The following PSMD4 variants were observed in gnomAD, a reference collection of about 807,000 sequenced individuals.
PSMD4 encodes 26S proteasome non-ATPase regulatory subunit 4.
A neutral mutation model predicts 39.7 loss-of-function variants in PSMD4; 5 were observed. That is an observed-to-expected ratio of 0.13 (90% CI 0.07 to 0.26). The LOEUF (loss-of-function observed/expected upper bound fraction) is 0.26, where lower values mean the gene tolerates loss of function less well. PSMD4 is among the 10% of genes least tolerant of loss of function. The pLI is 1.00. For missense variants in PSMD4, 272 were observed against 486.1 expected (o/e 0.56, Z 4.14); for synonymous variants, 143 against 174.6 (o/e 0.82, Z 1.43).
intron 6 of PSMD4, 127 bp from the exon 7 acceptor site, chr1:151,265,877 G>T: frequency 7.6e-7 from 1 of 1,307,790 alleles, no homozygotes; most frequent in East Asian, 2.5e-5. Context: ...TATCCCTCCA[G>T]CTTCTTCTCT....
chr1:151,264,641 C>T (rs893163652), intron 3 of PSMD4, among the ~76,000 whole-genome samples, 191 bp from the exon 4 acceptor site: 1 of 151,582 alleles, frequency 6.6e-6, no homozygotes, highest in Non-Finnish European at 1.5e-5. Flanking sequence ...AGAGAATTAA[C>T]CTCCCTTCTT....
intron 1 of PSMD4, among the ~76,000 whole-genome samples, chr1:151,256,060 G>A (rs1693159658): frequency 1.2e-5 from 1 of 86,168 alleles, no homozygotes; most frequent in South Asian, 3.3e-4. Context: ...TTTGAAAAGT[G>A]TCTGGCTGGG....
At chr1:151,254,927 C>A in intron 1 of PSMD4, 119 bp downstream of exon 1, 1 of 1,287,736 alleles carries the variant, frequency 7.8e-7, no homozygotes, top group Non-Finnish European at 1.0e-6. Context: ...GCCCTGGCCC[C>A]GGAGGTAAGG....
chr1:151,260,994 C>T (rs1156643489), intron 1 of PSMD4, among the ~76,000 whole-genome samples: 3 of 151,278 alleles, frequency 2.0e-5, no homozygotes, highest in African/African-American at 4.9e-5. Flanking sequence ...TACAAGTGTG[C>T]GCCACCATAC....
chr1:151,264,855 C>G lies in PSMD4; in HGVS notation c.306C>G (p.Gly102=). 1 of 1,613,674 alleles carries G rather than the reference C, an allele frequency of 6.2e-7. No individual in the cohort carries two copies. The highest frequency in any genetic ancestry group is 8.5e-7 in the Non-Finnish European group (1 of 1,179,800). ...AGCTGGCTCTGAAGCACCGACAAGG[C>G]AAGAATCACAAGATGCGCATCATTG... ...VAHLALKHRQ[G]KNHKMRIIAF... Residue 102 remains glycine (G), a synonymous_variant, in exon 4 of 10, where the codon GGC becomes GGG. Coordinates refer to ENST00000368884, the MANE Select transcript of PSMD4 (RefSeq NM_002810.4).
intron 1 of PSMD4, among the ~76,000 whole-genome samples, chr1:151,256,037 A>G (rs2101833175): frequency 6.7e-6 from 1 of 149,166 alleles, no homozygotes; most frequent in Non-Finnish European, 1.5e-5. Context: ...TGTTGGCTGT[A>G]TGTATATCGT....
At chr1:151,259,866 C>G (rs1268077579) in intron 1 of PSMD4, among the ~76,000 whole-genome samples, 3 of 151,900 alleles carry the variant, frequency 2.0e-5, no homozygotes, top group Non-Finnish European at 2.9e-5. Context: ...CAGACGTGAG[C>G]CACCATGCCC....
At chr1:151,263,755 C>A in intron 2 of PSMD4, 159 bp from the exon 3 acceptor site, 1 of 440,384 alleles carries the variant, frequency 2.3e-6, no homozygotes, top group Non-Finnish European at 4.1e-6. Flanking sequence ...GGCGTGAACC[C>A]GGGAGGCGGA....
intron 1 of PSMD4, among the ~76,000 whole-genome samples, chr1:151,256,433 C>CTTTT (rs1296037370): frequency 7.2e-6 from 1 of 138,942 alleles, no homozygotes; most frequent in Non-Finnish European, 1.6e-5. Flanking sequence ...CCTTTGCCCA[C>CTTTT]TTTTTTTTTT....
At chr1:151,262,061 C>T (rs1268176551) in intron 1 of PSMD4, 100 bp from the exon 2 acceptor site, 1 of 1,292,174 alleles carries the variant, frequency 7.7e-7, no homozygotes, top group Non-Finnish European at 1.1e-6. Flanking sequence ...ACAGGTGATG[C>T]TATGAAGACT....
chr1:151,255,207 C>G (rs1052407509), intron 1 of PSMD4, among the ~76,000 whole-genome samples: 2 of 152,244 alleles, frequency 1.3e-5, no homozygotes, highest in African/African-American at 4.8e-5. Flanking sequence ...CCCATTCCCT[C>G]GTCTCTAACT....
At chr1:151,256,727 T>G (rs940497507) in intron 1 of PSMD4, among the ~76,000 whole-genome samples, 8 of 150,370 alleles carry the variant, frequency 5.3e-5, no homozygotes, top group Non-Finnish European at 1.2e-4. Context: ...GTTGAGCCAC[T>G]GTGCCCGGCT....
At chr1:151,266,158 C>A (rs1463025844) in intron 7 of PSMD4, 46 bp downstream of exon 7, 1 of 1,589,710 alleles carries the variant, frequency 6.3e-7, no homozygotes, top group Non-Finnish European at 8.6e-7. Flanking sequence ...GGATGCTAAA[C>A]ATTGAAAGCT....
At chr1:151,266,487 G>A (rs923122554) in intron 8 of PSMD4, 33 bp from the exon 9 acceptor site, 6 of 1,614,104 alleles carry the variant, frequency 3.7e-6, no homozygotes, top group Middle Eastern at 3.3e-4. Context: ...GGGTGAGGAA[G>A]TGTAACTGAA....
At position 151,267,203 on chromosome 1, in the gene PSMD4, C is replaced by G; in HGVS notation, c.994C>G (p.Pro332Ala). Residue 332 changes from proline to alanine, a missense_variant, in exon 10 of 10, where the codon CCC (proline) becomes GCC (alanine). By Grantham distance (27) the Pro-to-Ala change is conservative. This residue lies in a region of PSMD4 where 113 missense variants were observed against 184.6 expected (regional missense o/e 0.61). Transcript: ENST00000368884. ...GGATGATTACGACGTGATGCAGGACCCCGAGTTCCTTCAGAGTGTCCTAGA... is the reference window on the plus strand; with the variant it reads ...GGATGATTACGACGTGATGCAGGACGCCGAGTTCCTTCAGAGTGTCCTAGA... ...EEDDYDVMQD[P>A]EFLQSVLENL... The G allele has an allele frequency of 6.2e-7, 1 of 1,613,898 alleles. No homozygotes were observed. Among genetic ancestry groups the G allele is most frequent in the Non-Finnish European group, 8.5e-7 (1 of 1,179,858 alleles).
chr1:151,264,340 TA>T (rs10535117), intron 3 of PSMD4, among the ~76,000 whole-genome samples: 32,885 of 140,030 alleles, frequency 0.23, 3,818 homozygotes, highest in African/African-American at 0.29. Context: ...CCTGTTTCTC[TA>T]AAAAAAAAAA....
At chr1:151,263,141 G>T (rs1337445444) in intron 2 of PSMD4, among the ~76,000 whole-genome samples, 3 of 152,142 alleles carry the variant, frequency 2.0e-5, no homozygotes, top group African/African-American at 7.2e-5. Context: ...TTCTGTGCTT[G>T]GTTTCCATTA....
intron 2 of PSMD4, chr1:151,262,844 G>GA (rs1693344102): frequency 6.5e-6 from 1 of 153,906 alleles, no homozygotes; most frequent in African/African-American, 2.4e-5. Context: ...CAAAAAAAAA[G>GA]AAAAAAGTAA....
rs587707828 is a variant in PSMD4 at position 151,267,422 on chromosome 1, C to T, written c.*79C>T. On this transcript the variant is annotated 3_prime_UTR_variant, in exon 10 of 10. Transcript: ENST00000368884. ...GAATATAGGGTTAGATGTGTGTTAT[C>T]TGTAACCATTACAGCCTAAATAAAG... The T allele has an allele frequency of 1.3e-6, 2 of 1,485,202 alleles. No homozygotes were observed. Among genetic ancestry groups the T allele is most frequent in the Admixed American group, 4.1e-5 (2 of 48,588 alleles). 92.0% of individuals were successfully genotyped at this position (1,485,202 alleles called of 1,614,324 possible).
Sources: allele counts gnomAD v4.1 joint callset (sites outside exome capture counted in the v4.1 genomes callset), GRCh38; gene constraint gnomAD v4.1.1; regional missense constraint gnomAD v4.1.1; transcripts MANE v1.5; gene names NCBI Gene and HGNC (gene_info 2026-07-23, HGNC 2026-07-21).